Variants in ADCK5 observed in about 807,000 individuals in gnomAD.
ADCK5 encodes uncharacterized aarF domain-containing protein kinase 5.
A neutral mutation model predicts 64.9 loss-of-function variants in ADCK5; 43 were observed. The observed-to-expected ratio is 0.66, with a 90% CI of 0.52 to 0.85. ADCK5 has a LOEUF of 0.85. Ranked by LOEUF, ADCK5 falls within the 40% of genes least tolerant of loss-of-function variation. ADCK5 has a pLI of 0.00. For missense variants in ADCK5, 760 were observed against 810.5 expected, an observed-to-expected ratio of 0.94 and a Z score of 0.76; for synonymous variants, 434 against 342.8, an observed-to-expected ratio of 1.27 and a Z score of -2.94.
At chr8:144,382,749 C>A (rs1385722761) in intron 2 of ADCK5, among the ~76,000 whole-genome samples, 1 of 152,224 alleles carries the variant, frequency 6.6e-6, no homozygotes, top group African/African-American at 2.4e-5. Context: ...GTGTAGGAGA[C>A]CACGGTCCGT....
intron 5 of ADCK5, 29 bp from the exon 6 acceptor site, chr8:144,391,095 GCAGTGGCCCC>G (rs782202039): frequency 6.2e-7 from 1 of 1,610,636 alleles, no homozygotes; most frequent in Non-Finnish European, 8.5e-7. Flanking sequence ...GGGGCCTCCA[GCAGTGGCCCC>G]AGGCTGCTCT....
chr8:144,373,719 A>G (rs566250559), upstream of ADCK5: 1 of 253,232 alleles, frequency 3.9e-6, no homozygotes, highest in South Asian at 1.7e-4. Context: ...GGAGTGTTAA[A>G]GAGAGGCGGA....
chr8:144,379,012 C>G (rs1819488456), intron 1 of ADCK5, among the ~76,000 whole-genome samples: 1 of 151,312 alleles, frequency 6.6e-6, no homozygotes, highest in East Asian at 2.0e-4. Context: ...CAGCTCACTG[C>G]AACCTCTGCC....
In ADCK5 at chr8:144,392,757, C is replaced by T; in HGVS notation, c.1521-19C>T. 3.8e-6 allele frequency: 6 copies of T among 1,585,840 alleles called. No homozygotes were observed. The highest frequency in any genetic ancestry group is 1.3e-5 in the African/African-American group (1 of 74,648). ...GGGCTGGTGTGGGGCTGACGCGGCG[C>T]TAACGCGGGTGTGTGCAGGGCTGTC... On this transcript the variant is annotated intron_variant, in intron 13 of 14. Coordinates refer to ENST00000308860, the MANE Select transcript of ADCK5 (RefSeq NM_174922.5).
At chr8:144,392,215 C>A in intron 11 of ADCK5, 39 bp from the exon 12 acceptor site, 1 of 1,547,612 alleles carries the variant, frequency 6.5e-7, no homozygotes, top group East Asian at 2.4e-5. Flanking sequence ...GCCTCTCCTG[C>A]CGCAGGGAGC....
At chr8:144,390,124 C>T (rs1820140326) in intron 3 of ADCK5, among the ~76,000 whole-genome samples, 1 of 152,018 alleles carries the variant, frequency 6.6e-6, no homozygotes, top group Non-Finnish European at 1.5e-5. Flanking sequence ...AGCCACTGTG[C>T]CCAGCTCTGC....
At position 144,376,862 on chromosome 8, in the gene ADCK5, G is replaced by A. The variant is rs1468583657; in HGVS notation, c.13-2525G>A. ...TGGCCCGCCTACGAGTCGCTGCCCG[G>A]CTGCCTTGGGTTTTCCTTGTGAATC... is the stretch of plus-strand genomic sequence containing the variant. On this transcript the variant is annotated intron_variant, in intron 1 of 14. Coordinates refer to ENST00000308860, the MANE Select transcript of ADCK5 (RefSeq NM_174922.5). The surrounding 1 kb of genome is among the most constrained non-coding windows in gnomAD (Gnocchi z 5.1). 6.6e-6 allele frequency among the ~76,000 whole-genome samples: 1 copy of A among 152,246 alleles called. No individual in the cohort carries two copies. Among genetic ancestry groups the A allele is most frequent in the East Asian group, 1.9e-4 (1 of 5,206 alleles).
chr8:144,389,871 C>G (rs373059366), intron 3 of ADCK5, among the ~76,000 whole-genome samples: 1 of 151,258 alleles, frequency 6.6e-6, no homozygotes, highest in South Asian at 2.1e-4. Flanking sequence ...TCTTGTTGCC[C>G]AGGCTGGAGT....
upstream of ADCK5, chr8:144,374,040 G>T: frequency 8.0e-7 from 1 of 1,243,474 alleles, no homozygotes; most frequent in Non-Finnish European, 1.0e-6. Context: ...AGGGCCTGCT[G>T]GGCTGCGAGA....
upstream of ADCK5, chr8:144,373,395 C>T (rs1361355547): frequency 6.6e-6 from 1 of 152,442 alleles, no homozygotes; most frequent in Admixed American, 6.5e-5. Context: ...GGCCTGGGCC[C>T]CTACCCAGCC....
At chr8:144,381,316 G>A (rs2116847397) in intron 2 of ADCK5, among the ~76,000 whole-genome samples, 8 of 145,626 alleles carry the variant, frequency 5.5e-5, no homozygotes, top group South Asian at 2.2e-4. Context: ...ATTATGGGCC[G>A]GGTGTAGAAA....
chr8:144,392,461 C>G lies in ADCK5; in HGVS notation c.1284C>G (p.Ala428=), dbSNP rs1554861278. 1.5e-6 allele frequency: 2 copies of G among 1,311,654 alleles called. No individual in the cohort carries two copies. The highest frequency in any genetic ancestry group is 2.0e-6 in the Non-Finnish European group (2 of 1,001,314). 81.3% of individuals were successfully genotyped at this position (1,311,654 alleles called of 1,614,324 possible). A position where few individuals can be genotyped will look rare whatever the true frequency, so the allele number is the denominator to read the frequency against. ...ALGVQDYLLF[A]EMLMQRPVRL... is the part of the protein sequence containing the mutation. ...CCTCCCCAGACTACCTCCTGTTCGC[C>G]GAGATGCTCATGCAGCGCCCCGTGC... The change falls in exon 13 of 15, where the codon GCC becomes GCG. Residue 428 remains alanine, a synonymous_variant. Transcript: ENST00000308860.
Position 144,383,104 on chromosome 8 carries a change from G to A in ADCK5, c.140G>A (p.Trp47Ter). 2.5e-6 allele frequency: 4 copies of A among 1,588,280 alleles called. No homozygotes were observed. The highest frequency in any genetic ancestry group is 3.4e-6 in the Non-Finnish European group (4 of 1,167,500). ...PPRFSSPTPLWRKVLSTAVVG... is the reference protein window; with the variant it reads ...PPRFSSPTPL ...AGGTTCTCCAGCCCCACACCCCTGTGGAGGAAGGTGCTCTCCACCGCGGTA... is the reference window on the plus strand; with the variant it reads ...AGGTTCTCCAGCCCCACACCCCTGTAGAGGAAGGTGCTCTCCACCGCGGTA... Residue 47 changes from tryptophan (W) to a stop codon, truncating the protein, a stop_gained, in exon 3 of 15, where the codon TGG becomes TAG. Transcript: ENST00000308860. LOFTEE classifies it high-confidence loss of function.
At position 144,392,570 on chromosome 8, in the gene ADCK5, G is replaced by A. The variant is rs909729441; in HGVS notation, c.1393G>A (p.Ala465Thr). Residue 465 changes from alanine to threonine, a missense_variant, in exon 13 of 15, where the codon GCC (alanine) becomes ACC (threonine). By Grantham distance (58) the Ala-to-Thr change is moderately conservative (BLOSUM62 0). Transcript: ENST00000308860. ...GGACATGGCCCGCGAGCGCTTCGAG[G>A]CCGTCATGGCGGTGCTCAGGGAGCT... ...MVDMARERFE[A>T]VMAVLRELPR... 6.4e-7 allele frequency: 1 copy of A among 1,574,150 alleles called. No individual in the cohort carries two copies. The highest frequency in any genetic ancestry group is 1.7e-4 in the Middle Eastern group (1 of 5,988).
Position 144,386,712 on chromosome 8 carries a change from CCA to C in ADCK5, c.266+3483_266+3484del, listed in dbSNP as rs1819942243. On this transcript the variant is annotated intron_variant, in intron 3 of 14. Coordinates refer to ENST00000308860, the MANE Select transcript of ADCK5 (RefSeq NM_174922.5). ...CTTGGGCGGGATTGATTGAAAATCT[CCA>C]GTTTCTCAGAAAATCCCAGGAATTC... Among the ~76,000 whole-genome samples, 6 of 152,280 alleles carry C rather than the reference CCA, an allele frequency of 3.9e-5. No homozygotes were observed. In the South Asian group the frequency reaches 1.2e-3, roughly 32 times the overall value.
chr8:144,392,920 C>A, intron 14 of ADCK5, 28 bp downstream of exon 14: 1 of 1,591,148 alleles, frequency 6.3e-7, no homozygotes. Context: ...AGGTGGGTGG[C>A]GGGGGCCTGC....
Position 144,393,027 on chromosome 8 carries a change from A to G in ADCK5, c.1696A>G (p.Ser566Gly). 6.3e-7 allele frequency: 1 copy of G among 1,591,344 alleles called. No individual in the cohort carries two copies. Among genetic ancestry groups the G allele is most frequent in the Non-Finnish European group, 8.5e-7 (1 of 1,172,716 alleles). Residue 566 changes from serine to glycine, a missense_variant, in exon 15 of 15, where the codon AGC becomes GGC. Transcript: ENST00000308860. The stretch of plus-strand genomic sequence containing the variant: ...CCTGGCTCGTGCTCTGGTCCACCTG[A>G]GCCTCGTGCCCCCAGCGGAGGAGCT... Reference protein sequence around the residue: ...ALLARALVHLSLVPPAEELYQ... With the variant: ...ALLARALVHLGLVPPAEELYQ...
In ADCK5 at chr8:144,392,495, C is replaced by A. The variant is rs1325942550; in HGVS notation, c.1318C>A (p.Gln440Lys). ...MLMQRPVRLG[Q>K]LWGSHLLSRE... ...CATGCAGCGCCCCGTGCGCCTGGGG[C>A]AGCTGTGGGGCTCGCACCTACTGAG... The change falls in exon 13 of 15, where the codon CAG becomes AAG. Residue 440 changes from glutamine (Q) to lysine (K), a missense_variant. By Grantham distance (53) the Gln-to-Lys change is moderately conservative. Transcript: ENST00000308860. 1.6e-6 allele frequency: 2 copies of A among 1,287,088 alleles called. No individual in the cohort carries two copies. The highest frequency in any genetic ancestry group is 5.6e-5 in the East Asian group (1 of 17,878). 79.7% of individuals were successfully genotyped at this position (1,287,088 alleles called of 1,614,324 possible).
At chr8:144,388,289 G>C (rs574744236) in intron 3 of ADCK5, among the ~76,000 whole-genome samples, 4 of 150,944 alleles carry the variant, frequency 2.6e-5, no homozygotes, top group Non-Finnish European at 5.9e-5. Flanking sequence ...CCTGGGAGGC[G>C]GAGGTTGCAG....
Sources: allele counts gnomAD v4.1 joint callset (sites outside exome capture counted in the v4.1 genomes callset), GRCh38; gene constraint gnomAD v4.1.1; non-coding constraint Gnocchi (gnomAD v3.1); transcripts MANE v1.5; gene names NCBI Gene and HGNC (gene_info 2026-07-23, HGNC 2026-07-21).